B4GALNT1: variants seen among roughly 807,000 people sequenced by gnomAD.
The protein encoded by B4GALNT1 is beta-1,4-N-acetyl-galactosaminyltransferase 1.
In B4GALNT1, 43 loss-of-function variants were observed where a neutral mutation model predicts 55.2. The ratio of observed to expected loss-of-function variants is 0.78; its 90% CI spans 0.61 to 1.00. B4GALNT1 has a LOEUF of 1.00. Ranked by LOEUF, B4GALNT1 falls within the 50% of genes least tolerant of loss-of-function variation. The probability of loss-of-function intolerance (pLI) is 0.00; values close to 1 mark genes in which losing one functional copy is unlikely to be tolerated. For synonymous variants in B4GALNT1, 305 were observed against 311.6 expected, an observed-to-expected ratio of 0.98 and a Z score of 0.22; for missense variants, 664 against 729.7, an observed-to-expected ratio of 0.91 and a Z score of 1.04.
rs1884745168 is a variant in B4GALNT1, at chr12:57,625,496, G to A, written c.*1248C>T. ...TGTGTGGAGAAGAGCGGGGCCCAGT[G>A]CCTGGGCAATGACTGGACACCTGCG... is the stretch of plus-strand genomic sequence containing the variant. On this transcript the variant is annotated 3_prime_UTR_variant, in exon 11 of 11. Coordinates refer to ENST00000341156, the MANE Select transcript of B4GALNT1 (RefSeq NM_001478.5). 1.2e-6 allele frequency: 2 copies of A among 1,614,028 alleles called. No individual in the cohort carries two copies. Among genetic ancestry groups the A allele is most frequent in the African/African-American group, 1.3e-5 (1 of 74,950 alleles).
chr12:57,625,753 G>GT lies in B4GALNT1; in HGVS notation c.*990dup, dbSNP rs1884767793. The GT allele has an allele frequency of 1.3e-6, 2 of 1,519,328 alleles. No individual in the cohort carries two copies. The highest frequency in any genetic ancestry group is 2.3e-5 in the East Asian group (1 of 44,048). The allele number at this position is 1,519,328 out of a possible 1,614,324, so 94.1% of individuals were successfully genotyped here. A position where few individuals can be genotyped will look rare whatever the true frequency, so the allele number is the denominator to read the frequency against. On this transcript the variant is annotated 3_prime_UTR_variant, in exon 11 of 11. Coordinates refer to ENST00000341156, the MANE Select transcript of B4GALNT1 (RefSeq NM_001478.5). ...CTGGGCTGCGGCAAGTGAGGCAGGG[G>GT]TAAGTGGCTGGAGACCCAGGGAGAG... is the stretch of plus-strand genomic sequence containing the variant.
chr12:57,631,952 C>T lies in B4GALNT1; in HGVS notation c.181G>A (p.Ala61Thr). 2.8e-6 allele frequency: 4 copies of T among 1,452,924 alleles called. No individual in the cohort carries two copies. Among genetic ancestry groups the T allele is most frequent in the Non-Finnish European group, 3.6e-6 (4 of 1,102,676 alleles). 90.0% of individuals were successfully genotyped at this position (1,452,924 alleles called of 1,614,324 possible). A position where few individuals can be genotyped will look rare whatever the true frequency, so the allele number is the denominator to read the frequency against. Residue 61 changes from alanine (A) to threonine (T), a missense_variant, in exon 2 of 11, where the codon GCA becomes ACA. Physicochemically the swap from Ala to Thr is moderately conservative, Grantham distance 58. Transcript: ENST00000341156. Reference sequence around the variant, plus strand: ...TCCTTGATCCTGACCGGGATGTGTGCGTAGCGGGGCTCAGGAGCAAGATCT... The same window carrying T: ...TCCTTGATCCTGACCGGGATGTGTGTGTAGCGGGGCTCAGGAGCAAGATCT... ...LPDLAPEPRYAHIPVRIKEQV... is the reference protein window; with the variant it reads ...LPDLAPEPRYTHIPVRIKEQV...
intron 9 of B4GALNT1, 50 bp from the exon 10 acceptor site, chr12:57,627,908 G>A (rs939868384): frequency 2.0e-6 from 3 of 1,515,168 alleles, no homozygotes; most frequent in African/African-American, 1.4e-5. Flanking sequence ...TAGGGGACCC[G>A]AAGGGGTCAA....
In B4GALNT1 at chr12:57,631,262, G is replaced by T. The variant is rs367582524; in HGVS notation, c.321C>A (p.Asp107Glu). 8 of 1,614,220 alleles carry T rather than the reference G, an allele frequency of 5.0e-6. No homozygotes were observed. Among genetic ancestry groups the T allele is most frequent in the South Asian group, 1.1e-5 (1 of 91,090 alleles). The change falls in exon 3 of 11, where the codon GAC (aspartate) becomes GAA (glutamate). Residue 107 changes from aspartate to glutamate, a missense_variant. By Grantham distance (45) the Asp-to-Glu change is conservative. Coordinates refer to ENST00000341156, the MANE Select transcript of B4GALNT1 (RefSeq NM_001478.5). ...CAGAGGCAGCCCTCAGCTCTGCAGG[G>T]TCAAAGGCCTTGGTGAGGTCAATAG... ...VRAIDLTKAF[D>E]PAELRAASAT...
Position 57,629,065 on chromosome 12 carries a change from C to A in B4GALNT1, c.794G>T (p.Gly265Val). The stretch of plus-strand genomic sequence containing the variant: ...AGCCTCACCTCCCTGGGGTAGAGAC[C>A]CAGGTGGGTACAGCCGAGGGTTGGG... ...HPPNPRLYPP[G>V]SLPQGAQYNI... The change falls in exon 7 of 11, where the codon GGG becomes GTG. Residue 265 changes from glycine (G) to valine (V), a missense_variant. Transcript: ENST00000341156. 1 of 1,588,798 alleles carries A rather than the reference C, an allele frequency of 6.3e-7. No homozygotes were observed. The highest frequency in any genetic ancestry group is 8.6e-7 in the Non-Finnish European group (1 of 1,163,120).
chr12:57,632,467 C>G (rs1047685068), intron 1 of B4GALNT1: 12 of 430,508 alleles, frequency 2.8e-5, no homozygotes, highest in African/African-American at 2.5e-4. Flanking sequence ...CCCGCTCTAT[C>G]AGGGCAGTGG....
chr12:57,623,722 T>A lies in B4GALNT1; in HGVS notation c.*3022A>T, dbSNP rs1884605635. The A allele has an allele frequency of 1.2e-6, 1 of 851,124 alleles. No homozygotes were observed. Among genetic ancestry groups the A allele is most frequent in the South Asian group, 1.7e-5 (1 of 60,106 alleles). The allele number at this position is 851,124 out of a possible 1,614,324, so 52.7% of individuals were successfully genotyped here. A position where few individuals can be genotyped will look rare whatever the true frequency, so the allele number is the denominator to read the frequency against. ...AGAAGGGGGTTGTGTGGAAGGAGAT[T>A]TGGGAGAAGGGAGACTTCCGAGGAA... On this transcript the variant is annotated 3_prime_UTR_variant, in exon 11 of 11. Coordinates refer to ENST00000341156, the MANE Select transcript of B4GALNT1 (RefSeq NM_001478.5).
At chr12:57,627,956 C>T (rs1399336693) in intron 9 of B4GALNT1, 98 bp from the exon 10 acceptor site, 1 of 1,466,234 alleles carries the variant, frequency 6.8e-7, no homozygotes, top group African/African-American at 1.4e-5. Context: ...ACCCCTGCCC[C>T]ATCCTCTTCC....
chr12:57,631,080 C>T lies in B4GALNT1; in HGVS notation c.390G>A (p.Gln130=). The T allele has an allele frequency of 6.2e-7, 1 of 1,611,072 alleles. No individual in the cohort carries two copies. Among genetic ancestry groups the T allele is most frequent in the Non-Finnish European group, 8.5e-7 (1 of 1,178,676 alleles). The change falls in exon 4 of 11, where the codon CAG becomes CAA. Residue 130 remains glutamine, a synonymous_variant. Coordinates refer to ENST00000341156, the MANE Select transcript of B4GALNT1 (RefSeq NM_001478.5). ...QEFQAFLSRS[Q]SPADQLLIAP... Reference sequence around the variant, plus strand: ...CTATGAGCAGCTGGTCAGCTGGGGACTGGCTCCTGGCAGTGGAGGAAGGAG... The same window carrying T: ...CTATGAGCAGCTGGTCAGCTGGGGATTGGCTCCTGGCAGTGGAGGAAGGAG...
chr12:57,630,426 C>T (rs1885125262), intron 5 of B4GALNT1, 52 bp downstream of exon 5: 6 of 1,599,424 alleles, frequency 3.8e-6, no homozygotes, highest in Middle Eastern at 1.7e-4. Context: ...CTGCCTCCCT[C>T]CCAGCATTCT....
chr12:57,632,400 A>T (rs960446374), intron 1 of B4GALNT1: 1 of 598,418 alleles, frequency 1.7e-6, no homozygotes, highest in African/African-American at 1.9e-5. Context: ...TGGCATCTTA[A>T]TGCTGAAGAC....
Position 57,632,979 on chromosome 12 carries a change from G to A in B4GALNT1, c.-209C>T, listed in dbSNP as rs1471050526. 1 of 152,604 alleles carries A rather than the reference G, an allele frequency of 6.6e-6. No individual in the cohort carries two copies. Among genetic ancestry groups the A allele is most frequent in the South Asian group, 2.1e-4 (1 of 4,844 alleles). The allele number at this position is 152,604 out of a possible 1,614,324, so 9.5% of individuals were successfully genotyped here. ...GGGCTTTTGTGGAGCGCGGCGCGGT[G>A]GTGGTTCTGGGCGTTTCCTGCCCGG... On this transcript the variant is annotated 5_prime_UTR_variant, in exon 1 of 11. Coordinates refer to ENST00000341156, the MANE Select transcript of B4GALNT1 (RefSeq NM_001478.5).
chr12:57,627,184 G>T (rs1884873765), intron 10 of B4GALNT1, among the ~76,000 whole-genome samples: 1 of 152,050 alleles, frequency 6.6e-6, no homozygotes, highest in South Asian at 2.1e-4. Flanking sequence ...CCTACTCCCA[G>T]AGGTTAAATA....
At chr12:57,632,411 A>G in intron 1 of B4GALNT1, 1 of 558,728 alleles carries the variant, frequency 1.8e-6, no homozygotes, top group South Asian at 2.0e-5. Context: ...TGCTGAAGAC[A>G]TTTGGATGCC....
At chr12:57,632,601 A>T (rs903755064) in intron 1 of B4GALNT1, 171 bp downstream of exon 1, 1 of 184,408 alleles carries the variant, frequency 5.4e-6, no homozygotes, top group Non-Finnish European at 1.1e-5. Context: ...AAAAATGCAG[A>T]ATCATGCCCG....
In B4GALNT1 at chr12:57,623,981, A is replaced by G; in HGVS notation, c.*2763T>C. On this transcript the variant is annotated 3_prime_UTR_variant, in exon 11 of 11. Transcript: ENST00000341156. ...TGTATTCCAGGACATCGAGGTAGTC[A>G]GCCCACCTCCTCTGCCTCAAGGCTG... The G allele has an allele frequency of 6.2e-7, 1 of 1,612,040 alleles. No homozygotes were observed. Among genetic ancestry groups the G allele is most frequent in the South Asian group, 1.1e-5 (1 of 90,858 alleles).
In B4GALNT1 at chr12:57,625,353, A is replaced by G. The variant is rs1190783148; in HGVS notation, c.*1391T>C. 1 of 1,614,054 alleles carries G rather than the reference A, an allele frequency of 6.2e-7. No homozygotes were observed. The highest frequency in any genetic ancestry group is 1.7e-5 in the Admixed American group (1 of 60,014). ...AGGGTAGGTTGAGGAGAAACCCCTT[A>G]GCATCTCACTCATACCCTCTGATCT... On this transcript the variant is annotated 3_prime_UTR_variant, in exon 11 of 11. Transcript: ENST00000341156.
At chr12:57,628,501 T>C (rs1168829500) in intron 8 of B4GALNT1, 4 of 799,048 alleles carry the variant, frequency 5.0e-6, no homozygotes, top group South Asian at 3.7e-5. Context: ...AGCTATTTTA[T>C]TGAATGCCAT....
At chr12:57,628,678 C>A (rs775308144) in intron 8 of B4GALNT1, 35 bp downstream of exon 8, 1 of 1,612,704 alleles carries the variant, frequency 6.2e-7, no homozygotes, top group East Asian at 2.2e-5. Context: ...CTGCGGGAGT[C>A]CTCTGGCCTG....
Sources: gnomAD v4.1 joint callset for allele counts (sites outside exome capture counted in the v4.1 genomes callset) on GRCh38, gnomAD v4.1.1 for gene constraint, MANE v1.5 for transcripts, NCBI Gene and HGNC (gene_info 2026-07-23, HGNC 2026-07-21) for gene names.